DTD1: variants seen among roughly 807,000 people sequenced by gnomAD.
The protein encoded by DTD1 is D-tyrosyl-tRNA deacylase 1 homolog.
DTD1 carries 13 observed loss-of-function variants against 25.6 expected under a neutral mutation model. The ratio of observed to expected loss-of-function variants is 0.51; its 90% CI spans 0.33 to 0.81. The LOEUF (loss-of-function observed/expected upper bound fraction) is 0.81, where lower values mean the gene tolerates loss of function less well. Ranked by LOEUF, DTD1 falls within the 30% of genes least tolerant of loss-of-function variation. The pLI is 0.02. For synonymous variants in DTD1, 110 were observed against 103.6 expected, an observed-to-expected ratio of 1.06 and a Z score of -0.37; for missense variants, 193 against 266.4, an observed-to-expected ratio of 0.72 and a Z score of 1.92.
chr20:18,702,210 C>T (rs2061108054), intron 4 of DTD1, among the ~76,000 whole-genome samples: 1 of 152,148 alleles, frequency 6.6e-6, no homozygotes, highest in African/African-American at 2.4e-5. Context: ...CTTTTCAAAC[C>T]AAGAAAGATT....
intron 5 of DTD1, among the ~76,000 whole-genome samples, chr20:18,752,951 C>T (rs1023311060): frequency 6.6e-6 from 1 of 152,084 alleles, no homozygotes; most frequent in African/African-American, 2.4e-5. Context: ...CCCAGGCTTC[C>T]ACCTCCATTA....
At chr20:18,725,268 T>A (rs1038327319) in intron 4 of DTD1, among the ~76,000 whole-genome samples, 1 of 152,188 alleles carries the variant, frequency 6.6e-6, no homozygotes, top group African/African-American at 2.4e-5. Context: ...TCCGTGGTGT[T>A]GCCATGGCAG....
intron 4 of DTD1, among the ~76,000 whole-genome samples, chr20:18,726,647 G>T (rs2061223404): frequency 6.6e-6 from 1 of 152,174 alleles, no homozygotes; most frequent in Non-Finnish European, 1.5e-5. Context: ...TCACTTAGTG[G>T]GGAGTGTTGA....
intron 5 of DTD1, among the ~76,000 whole-genome samples, chr20:18,759,350 G>A (rs148819823): frequency 0.014 from 2,153 of 152,280 alleles, 49 homozygotes; most frequent in African/African-American, 0.048. Context: ...TTTACAATTT[G>A]GCATGTTTTT....
At chr20:18,590,885 A>G (rs954720250) in intron 1 of DTD1, among the ~76,000 whole-genome samples, 5 of 152,224 alleles carry the variant, frequency 3.3e-5, no homozygotes, top group African/African-American at 7.2e-5. Flanking sequence ...AATAACCCCC[A>G]TGTCCCATCA....
intron 5 of DTD1, among the ~76,000 whole-genome samples, chr20:18,753,756 A>G (rs1272655605): frequency 6.6e-6 from 1 of 152,148 alleles, no homozygotes; most frequent in African/African-American, 2.4e-5. Flanking sequence ...TTTTTTCTCC[A>G]TGCTTGTTTT....
At chr20:18,630,164 T>G (rs1035664140) in intron 4 of DTD1, among the ~76,000 whole-genome samples, 4 of 152,066 alleles carry the variant, frequency 2.6e-5, no homozygotes, top group Non-Finnish European at 5.9e-5. Flanking sequence ...AAATGTAAGC[T>G]TTTTATTGTG....
intron 4 of DTD1, among the ~76,000 whole-genome samples, chr20:18,695,054 C>T (rs1256236991): frequency 1.3e-5 from 2 of 152,126 alleles, no homozygotes; most frequent in African/African-American, 2.4e-5. Context: ...AGATACTCAG[C>T]GCGTGTTCTG....
At chr20:18,624,316 G>T (rs1304542547) in intron 3 of DTD1, among the ~76,000 whole-genome samples, 4 of 152,142 alleles carry the variant, frequency 2.6e-5, no homozygotes, top group Non-Finnish European at 5.9e-5. Context: ...TCATAATAAA[G>T]TGCCAGCAAC....
In DTD1 at chr20:18,728,716, G is replaced by A. The variant is rs550759221; in HGVS notation, c.478-15384G>A. On this transcript the variant is annotated intron_variant, in intron 4 of 5. Transcript: ENST00000377452. The stretch of plus-strand genomic sequence containing the variant: ...GAAACTCACAAGAGCAGCTGTTGAG[G>A]CTGGCAGCAGTGCTTTCTCAGAGCA... 4.6e-5 allele frequency among the ~76,000 whole-genome samples: 7 copies of A among 152,228 alleles called. No homozygotes were observed. In the South Asian group the frequency reaches 1.4e-3, roughly 32 times the overall value.
At chr20:18,647,730 G>A (rs939339134) in intron 4 of DTD1, among the ~76,000 whole-genome samples, 2 of 152,164 alleles carry the variant, frequency 1.3e-5, no homozygotes, top group African/African-American at 4.8e-5. Flanking sequence ...TTTGGCGGTG[G>A]GCAGTGGGCA....
chr20:18,694,984 T>C (rs547030797), intron 4 of DTD1, among the ~76,000 whole-genome samples: 2 of 152,070 alleles, frequency 1.3e-5, no homozygotes, highest in Non-Finnish European at 2.9e-5. Context: ...GCCCGACGTA[T>C]AGTATATGTG....
chr20:18,591,002 A>G (rs1263903670), intron 1 of DTD1, among the ~76,000 whole-genome samples: 1 of 152,234 alleles, frequency 6.6e-6, no homozygotes, highest in Non-Finnish European at 1.5e-5. Flanking sequence ...TTCTTGAAGT[A>G]GAGATCTCAG....
At chr20:18,692,347 G>A (rs2122438764) in intron 4 of DTD1, among the ~76,000 whole-genome samples, 1 of 152,326 alleles carries the variant, frequency 6.6e-6, no homozygotes, top group South Asian at 2.1e-4. Flanking sequence ...CTGGAACGTA[G>A]CATCTCCATT....
chr20:18,757,683 T>C (rs1167280056), intron 5 of DTD1, among the ~76,000 whole-genome samples: 2 of 152,254 alleles, frequency 1.3e-5, no homozygotes, highest in Non-Finnish European at 2.9e-5. Context: ...CAGTATTTTA[T>C]TGAGGATTTT....
At chr20:18,759,851 C>A (rs1382064407) in intron 5 of DTD1, among the ~76,000 whole-genome samples, 1 of 152,214 alleles carries the variant, frequency 6.6e-6, no homozygotes, top group African/African-American at 2.4e-5. Context: ...GTTCCATTCT[C>A]CCCGTCACTT....
chr20:18,711,215 C>T (rs1025282084), intron 4 of DTD1, among the ~76,000 whole-genome samples: 4 of 152,170 alleles, frequency 2.6e-5, no homozygotes, highest in African/African-American at 9.7e-5. Flanking sequence ...CTGCTTAGTA[C>T]TCAGCTGGAT....
chr20:18,708,197 A>G lies in DTD1; in HGVS notation c.478-35903A>G, dbSNP rs1174793734. Among the ~76,000 whole-genome samples, 10 of 24,892 alleles carry G rather than the reference A, an allele frequency of 4.0e-4. 1 individual carries two copies. The highest frequency in any genetic ancestry group is 8.0e-4 in the Non-Finnish European group (9 of 11,286). 16.3% of individuals were successfully genotyped at this position (24,892 alleles called of 152,430 possible). On this transcript the variant is annotated intron_variant, in intron 4 of 5. Coordinates refer to ENST00000377452, the MANE Select transcript of DTD1 (RefSeq NM_080820.6). ...TATATATATATTTTATATATATATT[A>G]TATATATATTTTATATATATAATAT...
chr20:18,625,885 C>T (rs1483111103), intron 3 of DTD1, among the ~76,000 whole-genome samples: 1 of 152,210 alleles, frequency 6.6e-6, no homozygotes, highest in African/African-American at 2.4e-5. Context: ...TGTCTAGTGC[C>T]CATGTCCCAT....
Sources: gnomAD v4.1 joint callset for allele counts (sites outside exome capture counted in the v4.1 genomes callset) on GRCh38, gnomAD v4.1.1 for gene constraint, MANE v1.5 for transcripts, NCBI Gene and HGNC (gene_info 2026-07-23, HGNC 2026-07-21) for gene names.